Variants in RB1 observed in about 807,000 individuals in gnomAD.
RB1 encodes retinoblastoma-associated protein.
A neutral mutation model predicts 135.4 loss-of-function variants in RB1; 18 were observed. The ratio of observed to expected loss-of-function variants is 0.13; its 90% CI spans 0.09 to 0.20. RB1 has a LOEUF of 0.20. Among genes scored for constraint, RB1 ranks in the 10% least tolerant of loss-of-function variants. The probability of loss-of-function intolerance (pLI) is 1.00; values close to 1 mark genes in which losing one functional copy is unlikely to be tolerated. For synonymous variants in RB1, 365 were observed against 373.2 expected, an observed-to-expected ratio of 0.98 and a Z score of 0.25; for missense variants, 868 against 1,110.0, an observed-to-expected ratio of 0.78 and a Z score of 3.10.
Position 48,471,352 on chromosome 13 carries a change from T to C in RB1, c.2490-2008T>C, listed in dbSNP as rs201188296. On this transcript the variant is annotated intron_variant, in intron 23 of 26. Transcript: ENST00000267163. ...GCATATTCTCACTCATAGGTGGGAA[T>C]TGAACAATGAGATCACATGGACACA... Among the ~76,000 whole-genome samples, 531 of 70,748 alleles carry C rather than the reference T, an allele frequency of 7.5e-3. 22 individuals carry two copies. In the East Asian group the frequency reaches 0.095, roughly 13 times the overall value. The allele number at this position is 70,748 out of a possible 152,430, so 46.4% of individuals were successfully genotyped here. A position where few individuals can be genotyped will look rare whatever the true frequency, so the allele number is the denominator to read the frequency against.
intron 20 of RB1, among the ~76,000 whole-genome samples, chr13:48,460,647 A>G (rs1169415502): frequency 1.3e-5 from 2 of 152,156 alleles, no homozygotes; most frequent in Admixed American, 1.3e-4. Flanking sequence ...CTTTTTCTCT[A>G]TAAAATAGGT....
At chr13:48,436,870 A>G (rs1593515883) in intron 17 of RB1, among the ~76,000 whole-genome samples, 1 of 152,194 alleles carries the variant, frequency 6.6e-6, no homozygotes, top group Non-Finnish European at 1.5e-5. Context: ...TGTAGTTCTA[A>G]TAATATTCCT....
rs200985890 is a variant in RB1 at position 48,307,426 on chromosome 13, G to C, written c.264+20G>C. 1 of 1,609,252 alleles carries C rather than the reference G, an allele frequency of 6.2e-7. No individual in the cohort carries two copies. The highest frequency in any genetic ancestry group is 8.5e-7 in the Non-Finnish European group (1 of 1,177,630). On this transcript the variant is annotated intron_variant, in intron 2 of 26. Coordinates refer to ENST00000267163, the MANE Select transcript of RB1 (RefSeq NM_000321.3). ...GTATTGGTAAGGATTTTCTTAAAAC[G>C]TTTTGAAATTTTTTTTTCTCATTTT...
At chr13:48,314,347 G>A (rs890982146) in intron 2 of RB1, among the ~76,000 whole-genome samples, 9 of 152,034 alleles carry the variant, frequency 5.9e-5, no homozygotes, top group African/African-American at 1.4e-4. Context: ...ATGTCTTTTC[G>A]TTTAAGTCTT....
At chr13:48,378,263 A>T (rs969320859) in intron 13 of RB1, among the ~76,000 whole-genome samples, 1 of 152,178 alleles carries the variant, frequency 6.6e-6, no homozygotes, top group African/African-American at 2.4e-5. Flanking sequence ...CTCTTATAAC[A>T]CTTAGCTTAA....
chr13:48,320,346 C>T lies in RB1; in HGVS notation c.264+12940C>T. On this transcript the variant is annotated intron_variant, in intron 2 of 26. Coordinates refer to ENST00000267163, the MANE Select transcript of RB1 (RefSeq NM_000321.3). ...TGATGAGCATCTGCACCCGGGCGCT[C>T]ACCGACACGCTCTCCACCCCCTCGT... 3 of 1,256,048 alleles carry T rather than the reference C, an allele frequency of 2.4e-6. No individual in the cohort carries two copies. The South Asian group carries it at 3.6e-5, about 15-fold the overall frequency. The allele number at this position is 1,256,048 out of a possible 1,614,324, so 77.8% of individuals were successfully genotyped here.
At chr13:48,386,489 G>T (rs983075462) in intron 17 of RB1, among the ~76,000 whole-genome samples, 14 of 152,034 alleles carry the variant, frequency 9.2e-5, no homozygotes, top group African/African-American at 3.1e-4. Flanking sequence ...TATTTTATTG[G>T]TTGAGTTGTG....
intron 11 of RB1, among the ~76,000 whole-genome samples, chr13:48,372,364 A>G (rs1370814206): frequency 6.6e-6 from 1 of 152,184 alleles, no homozygotes; most frequent in African/African-American, 2.4e-5. Context: ...GTGTTGCAAT[A>G]TATTTGAAAG....
chr13:48,384,188 T>A (rs1394122940), intron 17 of RB1, among the ~76,000 whole-genome samples: 1 of 152,116 alleles, frequency 6.6e-6, no homozygotes, highest in Non-Finnish European at 1.5e-5. Flanking sequence ...GACGTGGAAG[T>A]CATAAGCCTC....
At chr13:48,344,878 G>A (rs530876009) in intron 3 of RB1, among the ~76,000 whole-genome samples, 1 of 152,126 alleles carries the variant, frequency 6.6e-6, no homozygotes, top group Non-Finnish European at 1.5e-5. Flanking sequence ...ATGATGAATA[G>A]ATATAAGCAT....
intron 11 of RB1, 52 bp from the exon 12 acceptor site, chr13:48,373,352 CT>C: frequency 1.8e-6 from 2 of 1,094,106 alleles, no homozygotes; most frequent in Non-Finnish European, 1.4e-6. Flanking sequence ...TTCATTTTTT[CT>C]TTTTTTCTCC....
At chr13:48,348,809 T>A in intron 5 of RB1, 147 bp from the exon 6 acceptor site, 2 of 868,208 alleles carry the variant, frequency 2.3e-6, no homozygotes, top group Non-Finnish European at 3.3e-6. Context: ...ATTATGCAAT[T>A]AAAATGGACT....
At position 48,389,092 on chromosome 13, in the gene RB1, G is replaced by A. The variant is rs551876326; in HGVS notation, c.1695+7649G>A. Among the ~76,000 whole-genome samples the A allele has an allele frequency of 3.7e-4, 57 of 152,148 alleles. 3 individuals are homozygous for A. In the South Asian group the frequency reaches 0.01, roughly 27 times the overall value. Reference sequence around the variant, plus strand: ...TGAGAATCGCTTGAGCCCGGGAGGCGGAGGTTGAGTGAGCCAAGATTGTGC... The same window carrying A: ...TGAGAATCGCTTGAGCCCGGGAGGCAGAGGTTGAGTGAGCCAAGATTGTGC... On this transcript the variant is annotated intron_variant, in intron 17 of 26. Transcript: ENST00000267163.
At position 48,465,122 on chromosome 13, in the gene RB1, A is replaced by G. The variant is rs2138345112; in HGVS notation, c.2325+11A>G. On this transcript the variant is annotated intron_variant, in intron 22 of 26. Transcript: ENST00000267163. ...TATGCTTCCACCAGGGTAGGTCAAA[A>G]GTATCCTTTGATTGGAAAAATCTAA... 1 of 1,613,560 alleles carries G rather than the reference A, an allele frequency of 6.2e-7. No individual in the cohort carries two copies. The highest frequency in any genetic ancestry group is 8.5e-7 in the Non-Finnish European group (1 of 1,179,538).
chr13:48,463,071 A>G (rs564044191), intron 20 of RB1, among the ~76,000 whole-genome samples: 1 of 152,340 alleles, frequency 6.6e-6, no homozygotes, highest in South Asian at 2.1e-4. Context: ...GAGTACTTAA[A>G]TTAGGCTATA....
chr13:48,417,059 C>T (rs1302319730), intron 17 of RB1: 2 of 152,402 alleles, frequency 1.3e-5, no homozygotes, highest in Admixed American at 6.5e-5. Flanking sequence ...TCTCCCAGGA[C>T]ATTGCTCGAG....
rs1339244165 is a variant in RB1, at chr13:48,463,799, A to G, written c.2175A>G (p.Val725=). Residue 725 remains valine (V), a synonymous_variant, in exon 21 of 27, where the codon GTA becomes GTG. Coordinates refer to ENST00000267163, the MANE Select transcript of RB1 (RefSeq NM_000321.3). Reference sequence around the variant, plus strand: ...TAGACCTTAAATTCAAAATCATTGTAACAGCATACAAGGATCTTCCTCATG... The same window carrying G: ...TAGACCTTAAATTCAAAATCATTGTGACAGCATACAAGGATCTTCCTCATG... ...KNIDLKFKII[V]TAYKDLPHAV... 1.2e-6 allele frequency: 2 copies of G among 1,607,498 alleles called. No individual in the cohort carries two copies. Among genetic ancestry groups the G allele is most frequent in the Non-Finnish European group, 1.7e-6 (2 of 1,174,328 alleles).
chr13:48,407,025 A>G (rs1042707915), intron 17 of RB1, among the ~76,000 whole-genome samples: 3 of 152,208 alleles, frequency 2.0e-5, no homozygotes, highest in Non-Finnish European at 2.9e-5. Flanking sequence ...TCAGATGACC[A>G]TCAGGCCCTT....
rs1211521554 is a variant in RB1, at chr13:48,480,831, G to GTAC, written c.*762_*764dup. Reference sequence around the variant, plus strand: ...TGTTTTTAAATGAGGATTATTGATAGTACTCTTGGTTTTTATACCATTCAG... The same window carrying GTAC: ...TGTTTTTAAATGAGGATTATTGATAGTACTACTCTTGGTTTTTATACCATTCAG... On this transcript the variant is annotated 3_prime_UTR_variant, in exon 27 of 27. Coordinates refer to ENST00000267163, the MANE Select transcript of RB1 (RefSeq NM_000321.3). 4.4e-6 allele frequency: 1 copy of GTAC among 227,276 alleles called. No individual in the cohort carries two copies. The highest frequency in any genetic ancestry group is 8.8e-6 in the Non-Finnish European group (1 of 114,232). The allele number at this position is 227,276 out of a possible 1,614,324, so 14.1% of individuals were successfully genotyped here. A position where few individuals can be genotyped will look rare whatever the true frequency, so the allele number is the denominator to read the frequency against.
Sources: allele counts gnomAD v4.1 joint callset (sites outside exome capture counted in the v4.1 genomes callset), GRCh38; gene constraint gnomAD v4.1.1; transcripts MANE v1.5; gene names NCBI Gene and HGNC (gene_info 2026-07-23, HGNC 2026-07-21).